ROBO2: variants seen among roughly 807,000 people sequenced by gnomAD.
The protein encoded by ROBO2 is roundabout guidance receptor 2, also known as roundabout homolog 2.
A neutral mutation model predicts 160.8 loss-of-function variants in ROBO2; 53 were observed. The ratio of observed to expected loss-of-function variants is 0.33; its 90% CI spans 0.26 to 0.41. ROBO2 has a LOEUF of 0.41. ROBO2 is among the 10% of genes least tolerant of loss of function. The pLI is 1.00. For missense variants in ROBO2, 1,577 were observed against 1,722.4 expected (o/e 0.92, Z 1.49); for synonymous variants, 664 against 611.7 (o/e 1.09, Z -1.26).
intron 2 of ROBO2, among the ~76,000 whole-genome samples, chr3:76,115,605 C>T (rs891041417): frequency 1.3e-5 from 2 of 152,014 alleles, no homozygotes; most frequent in African/African-American, 4.8e-5. Flanking sequence ...AAGTATTTAG[C>T]AAAGTGAATA....
At chr3:76,027,732 T>TA (rs1261620299) in intron 2 of ROBO2, among the ~76,000 whole-genome samples, 7 of 152,006 alleles carry the variant, frequency 4.6e-5, no homozygotes, top group Admixed American at 4.6e-4. Flanking sequence ...GATTGCCTGG[T>TA]AACTTACAGG....
chr3:75,949,488 A>C (rs1218222863), intron 2 of ROBO2, among the ~76,000 whole-genome samples: 1 of 152,114 alleles, frequency 6.6e-6, no homozygotes, highest in South Asian at 2.1e-4. Flanking sequence ...TTTGCATGGC[A>C]TGGTGGCAGC....
At chr3:76,273,120 A>ATATATATATATATATATATAT (rs1707689323) in intron 2 of ROBO2, among the ~76,000 whole-genome samples, 1 of 32,330 alleles carries the variant, frequency 3.1e-5, no homozygotes, top group Non-Finnish European at 1.6e-4. Context: ...CACACATATA[A>ATATATATATATATATATATAT]ATATATATAT....
chr3:76,963,836 C>CA (rs11407644), intron 2 of ROBO2, among the ~76,000 whole-genome samples: 36,265 of 105,888 alleles, frequency 0.34, 5,424 homozygotes, highest in African/African-American at 0.47. Flanking sequence ...TGAGGAACTG[C>CA]AAAAAAAAAA....
intron 2 of ROBO2, among the ~76,000 whole-genome samples, chr3:76,871,180 TTAAA>T (rs1323292395): frequency 6.6e-6 from 1 of 152,256 alleles, no homozygotes; most frequent in African/African-American, 2.4e-5. Flanking sequence ...TTCAAATTCC[TTAAA>T]TAACCGTATA....
intron 2 of ROBO2, among the ~76,000 whole-genome samples, chr3:76,887,969 T>C (rs1461190377): frequency 6.6e-6 from 1 of 152,194 alleles, no homozygotes; most frequent in African/African-American, 2.4e-5. Flanking sequence ...CATCTAATTT[T>C]AGGGACTTCA....
intron 2 of ROBO2, among the ~76,000 whole-genome samples, chr3:77,005,551 G>A (rs1162735225): frequency 6.6e-6 from 1 of 152,158 alleles, no homozygotes; most frequent in Non-Finnish European, 1.5e-5. Context: ...TTTATTTAAA[G>A]TGGTGGTGTA....
intron 2 of ROBO2, among the ~76,000 whole-genome samples, chr3:77,103,033 G>A (rs539711408): frequency 3.9e-5 from 6 of 152,296 alleles, no homozygotes; most frequent in African/African-American, 1.4e-4. Flanking sequence ...GGAGAGCCAT[G>A]GTGTAGCTGG....
At chr3:76,547,599 C>T (rs2083182046) in intron 2 of ROBO2, among the ~76,000 whole-genome samples, 1 of 151,976 alleles carries the variant, frequency 6.6e-6, no homozygotes, top group Admixed American at 6.6e-5. Context: ...TCAACACATT[C>T]CTCTACTTGA....
At chr3:75,921,130 G>T (rs1232122955) in intron 1 of ROBO2, among the ~76,000 whole-genome samples, 1 of 151,994 alleles carries the variant, frequency 6.6e-6, no homozygotes, top group Non-Finnish European at 1.5e-5. Context: ...TAGTTTCATT[G>T]GTTTTTATAT....
At chr3:77,101,230 A>G (rs1019196290) in intron 2 of ROBO2, among the ~76,000 whole-genome samples, 2 of 152,206 alleles carry the variant, frequency 1.3e-5, no homozygotes, top group African/African-American at 2.4e-5. Flanking sequence ...ACAGCTTGAA[A>G]CATATTTAGG....
chr3:75,973,255 A>G (rs977962747), intron 2 of ROBO2, among the ~76,000 whole-genome samples: 3 of 151,732 alleles, frequency 2.0e-5, no homozygotes, highest in African/African-American at 7.3e-5. Context: ...AAATTATAAA[A>G]ATGACAAAAA....
At chr3:76,664,416 A>G (rs1335187223) in intron 2 of ROBO2, among the ~76,000 whole-genome samples, 1 of 152,150 alleles carries the variant, frequency 6.6e-6, no homozygotes, top group Admixed American at 6.5e-5. Flanking sequence ...GAAAAGAGGA[A>G]ATATCATTTA....
chr3:76,856,334 A>T (rs575472147), intron 2 of ROBO2, among the ~76,000 whole-genome samples: 32 of 152,170 alleles, frequency 2.1e-4, no homozygotes, highest in Non-Finnish European at 3.4e-4. Context: ...ATACAACATG[A>T]TGTTTTAAGA....
chr3:77,620,390 T>A (rs1247614744), intron 22 of ROBO2, among the ~76,000 whole-genome samples: 2 of 152,238 alleles, frequency 1.3e-5, no homozygotes, highest in African/African-American at 4.8e-5. Context: ...CTCTTAATTT[T>A]GCTTAAATAG....
intron 2 of ROBO2, among the ~76,000 whole-genome samples, chr3:76,079,572 C>T (rs1468200483): frequency 6.6e-6 from 1 of 151,418 alleles, no homozygotes; most frequent in Non-Finnish European, 1.5e-5. Flanking sequence ...CAACCTCCGC[C>T]TCCCGGGTTC....
chr3:77,596,646 G>C, exon 19 of ROBO2: 1 of 1,613,928 alleles, frequency 6.2e-7, no homozygotes, highest in South Asian at 1.1e-5. Context: ...CTCAATGCTG[G>C]TGATCCCAGC....
chr3:77,345,355 A>G (rs1310342252), intron 2 of ROBO2, among the ~76,000 whole-genome samples: 1 of 152,112 alleles, frequency 6.6e-6, no homozygotes, highest in Non-Finnish European at 1.5e-5. Context: ...ACACACCCTT[A>G]CCACACATGA....
chr3:77,563,233 A>G (rs1286571448), exon 11 of ROBO2: 5 of 1,613,570 alleles, frequency 3.1e-6, no homozygotes, highest in Non-Finnish European at 4.2e-6. Context: ...TCCAAACCGC[A>G]GGTCACTGAT....
Sources: gnomAD v4.1 joint callset for allele counts (sites outside exome capture counted in the v4.1 genomes callset) on GRCh38, gnomAD v4.1.1 for gene constraint, MANE v1.5 for transcripts, NCBI Gene and HGNC (gene_info 2026-07-23, HGNC 2026-07-21) for gene names.